The following RNGTT variants were observed in gnomAD, a reference collection of about 807,000 sequenced individuals.
RNGTT encodes the protein RNA guanylyltransferase and 5'-phosphatase.
A neutral mutation model predicts 79.3 loss-of-function variants in RNGTT; 33 were observed. The observed-to-expected ratio is 0.42, with a 90% CI of 0.32 to 0.56. The LOEUF (loss-of-function observed/expected upper bound fraction) is 0.56, where lower values mean the gene tolerates loss of function less well. Ranked by LOEUF, RNGTT falls within the 20% of genes least tolerant of loss-of-function variation. RNGTT has a pLI of 0.17. For synonymous variants in RNGTT, 222 were observed against 235.9 expected, an observed-to-expected ratio of 0.94 and a Z score of 0.54; for missense variants, 497 against 739.1, an observed-to-expected ratio of 0.67 and a Z score of 3.80.
intron 8 of RNGTT, among the ~76,000 whole-genome samples, chr6:88,869,695 C>G (rs1434900796): frequency 2.0e-5 from 3 of 152,002 alleles, no homozygotes; most frequent in Admixed American, 1.3e-4. Flanking sequence ...CATAAAAGTA[C>G]CAGGAGAAAT....
At chr6:88,837,185 A>G (rs1469106781) in intron 11 of RNGTT, among the ~76,000 whole-genome samples, 2 of 152,206 alleles carry the variant, frequency 1.3e-5, no homozygotes, top group Non-Finnish European at 2.9e-5. Flanking sequence ...CTTGAGCCTA[A>G]GAGTTCAAGA....
chr6:88,951,566 C>T (rs1170943145), intron 1 of RNGTT, among the ~76,000 whole-genome samples: 2 of 152,176 alleles, frequency 1.3e-5, no homozygotes, highest in African/African-American at 2.4e-5. Context: ...GTAAATTCCA[C>T]GAGACAGGCG....
Position 88,628,792 on chromosome 6 carries a change from G to A in RNGTT, c.1507-14397C>T, listed in dbSNP as rs572005129. On this transcript the variant is annotated intron_variant, in intron 14 of 15. Transcript: ENST00000369485. Reference sequence around the variant, plus strand: ...ATCGCACTACCTCTTGGTACTAACTGGGAAATTCAACACACTAGAGGAAAA... The same window carrying A: ...ATCGCACTACCTCTTGGTACTAACTAGGAAATTCAACACACTAGAGGAAAA... Among the ~76,000 whole-genome samples, 211 of 152,122 alleles carry A rather than the reference G, an allele frequency of 1.4e-3. 1 individual carries two copies. The highest frequency in any genetic ancestry group is 4.6e-3 in the African/African-American group (193 of 41,508).
intron 11 of RNGTT, among the ~76,000 whole-genome samples, chr6:88,806,988 G>A (rs980793078): frequency 2.6e-5 from 4 of 152,128 alleles, no homozygotes; most frequent in Non-Finnish European, 5.9e-5. Flanking sequence ...ACTAACGTAG[G>A]AACGAAAAAA....
intron 13 of RNGTT, among the ~76,000 whole-genome samples, chr6:88,763,551 T>C (rs998544110): frequency 1.1e-4 from 16 of 152,182 alleles, no homozygotes; most frequent in Admixed American, 7.9e-4. Context: ...GTCTTTCTAA[T>C]TTTTTTCAGA....
intron 10 of RNGTT, among the ~76,000 whole-genome samples, chr6:88,849,339 A>C (rs886080511): frequency 5.3e-5 from 8 of 152,058 alleles, no homozygotes; most frequent in Admixed American, 3.3e-4. Flanking sequence ...GGATTAATGC[A>C]ATCCTGAATT....
At chr6:88,712,120 G>A (rs549414341) in intron 13 of RNGTT, among the ~76,000 whole-genome samples, 3 of 152,130 alleles carry the variant, frequency 2.0e-5, no homozygotes, top group Non-Finnish European at 4.4e-5. Context: ...CCTTTAGGGG[G>A]ATAAATTTAA....
chr6:88,885,697 T>G (rs1782833753), intron 8 of RNGTT, among the ~76,000 whole-genome samples: 1 of 152,192 alleles, frequency 6.6e-6, no homozygotes, highest in South Asian at 2.1e-4. Context: ...GAAAAATAAC[T>G]TTATCATGGC....
chr6:88,843,596 T>C (rs1435405480), intron 11 of RNGTT, among the ~76,000 whole-genome samples: 1 of 138,592 alleles, frequency 7.2e-6, no homozygotes, highest in African/African-American at 2.7e-5. Context: ...TCTTGCTCTG[T>C]CGCCCAGGCT....
chr6:88,912,522 A>G (rs138802465), intron 4 of RNGTT, among the ~76,000 whole-genome samples: 2 of 152,324 alleles, frequency 1.3e-5, no homozygotes, highest in African/African-American at 4.8e-5. Flanking sequence ...GAAAAGAAAT[A>G]CCTAAAATCA....
In RNGTT at chr6:88,751,834, T is replaced by C. The variant is rs930108302; in HGVS notation, c.1439+17940A>G. Among the ~76,000 whole-genome samples, 49 of 152,110 alleles carry C rather than the reference T, an allele frequency of 3.2e-4. 3 individuals are homozygous for C. Among genetic ancestry groups the C allele is most frequent in the Non-Finnish European group, 8.8e-5 (6 of 67,976 alleles). The stretch of plus-strand genomic sequence containing the variant: ...TTTTTTAAACAGAGGTCATAGATAA[T>C]AGGTGCCAATATAATAAAATCAAAA... On this transcript the variant is annotated intron_variant, in intron 13 of 15. Transcript: ENST00000369485.
At chr6:88,876,170 A>G (rs116977633) in intron 8 of RNGTT, among the ~76,000 whole-genome samples, 4,745 of 152,356 alleles carry the variant, frequency 0.031, 114 homozygotes, top group Non-Finnish European at 0.045. Flanking sequence ...GCAGCAATTA[A>G]GTCATTTTAA....
chr6:88,708,848 C>A (rs2127805996), intron 13 of RNGTT, among the ~76,000 whole-genome samples: 1 of 152,138 alleles, frequency 6.6e-6, no homozygotes, highest in Non-Finnish European at 1.5e-5. Flanking sequence ...TGTGACAATA[C>A]AACCATGCAG....
At chr6:88,710,682 G>A (rs746747415) in intron 13 of RNGTT, among the ~76,000 whole-genome samples, 13 of 152,126 alleles carry the variant, frequency 8.5e-5, no homozygotes, top group Non-Finnish European at 1.5e-4. Context: ...ACAGTACTTT[G>A]TACTATCCTA....
chr6:88,891,985 G>C (rs1783066016), intron 6 of RNGTT, 70 bp from the exon 7 acceptor site: 5 of 1,022,362 alleles, frequency 4.9e-6, no homozygotes, highest in Non-Finnish European at 6.9e-6. Context: ...CATTTACAAA[G>C]AAGAGACTGA....
intron 13 of RNGTT, among the ~76,000 whole-genome samples, chr6:88,695,538 T>C (rs1326947385): frequency 6.6e-6 from 1 of 152,176 alleles, no homozygotes; most frequent in Admixed American, 6.5e-5. Context: ...AAACCTTTTG[T>C]ATACTATTGG....
chr6:88,752,203 C>T (rs1277276534), intron 13 of RNGTT, among the ~76,000 whole-genome samples: 1 of 151,458 alleles, frequency 6.6e-6, no homozygotes, highest in Non-Finnish European at 1.5e-5. Context: ...CTCTTTAAAC[C>T]AAATTAAATG....
chr6:88,662,271 A>G (rs1452182761), intron 14 of RNGTT, among the ~76,000 whole-genome samples: 2 of 152,240 alleles, frequency 1.3e-5, no homozygotes, highest in Non-Finnish European at 2.9e-5. Context: ...CGTGCCTGGT[A>G]GTTAAACATC....
chr6:88,771,315 G>GTGTATATA (rs1303688973), intron 12 of RNGTT, among the ~76,000 whole-genome samples: 118 of 62,020 alleles, frequency 1.9e-3, no homozygotes, highest in African/African-American at 6.9e-3. Flanking sequence ...GTGTGTGTGT[G>GTGTATATA]TATATATATA....
Sources: allele counts gnomAD v4.1 joint callset (sites outside exome capture counted in the v4.1 genomes callset), GRCh38; gene constraint gnomAD v4.1.1; transcripts MANE v1.5; gene names NCBI Gene and HGNC (gene_info 2026-07-23, HGNC 2026-07-21).